Variants in MINDY3 observed in about 807,000 individuals in gnomAD.
The protein encoded by MINDY3 is MINDY lysine 48 deubiquitinase 3.
A neutral mutation model predicts 69.2 loss-of-function variants in MINDY3; 38 were observed. That is an observed-to-expected ratio of 0.55 (90% CI 0.42 to 0.72). The LOEUF (loss-of-function observed/expected upper bound fraction) is 0.72, where lower values mean the gene tolerates loss of function less well. Ranked by LOEUF, MINDY3 falls within the 30% of genes least tolerant of loss-of-function variation. MINDY3 has a pLI of 0.00. For synonymous variants in MINDY3, 192 were observed against 180.1 expected (o/e 1.07, Z -0.53); for missense variants, 522 against 519.0 (o/e 1.01, Z -0.06).
At chr10:15,829,292 G>A (rs970500346) in intron 8 of MINDY3, among the ~76,000 whole-genome samples, 5 of 152,126 alleles carry the variant, frequency 3.3e-5, no homozygotes, top group African/African-American at 4.8e-5. Context: ...TTTAACGACC[G>A]GGAGGCAGAG....
chr10:15,847,027 T>C (rs1342859184), intron 2 of MINDY3, among the ~76,000 whole-genome samples: 2 of 152,106 alleles, frequency 1.3e-5, no homozygotes, highest in Admixed American at 1.3e-4. Context: ...CTGGCCAGAA[T>C]GCATTCTTAA....
chr10:15,847,004 C>T (rs1445633886), intron 2 of MINDY3, among the ~76,000 whole-genome samples: 2 of 151,912 alleles, frequency 1.3e-5, no homozygotes, highest in Non-Finnish European at 2.9e-5. Flanking sequence ...ATTACAGGTG[C>T]GAGCCACCGT....
chr10:15,817,800 A>C (rs986971783), intron 9 of MINDY3: 5 of 152,160 alleles, frequency 3.3e-5, no homozygotes, highest in African/African-American at 1.2e-4. Context: ...ATTCTTTCCT[A>C]ATCAGCCAGC....
At chr10:15,843,128 G>C in intron 3 of MINDY3, 84 bp downstream of exon 3, 1 of 1,127,074 alleles carries the variant, frequency 8.9e-7, no homozygotes, top group Non-Finnish European at 1.3e-6. Flanking sequence ...AATTCCCACT[G>C]ATACTTGACT....
intron 1 of MINDY3, among the ~76,000 whole-genome samples, chr10:15,856,108 G>A (rs1588666290): frequency 6.6e-6 from 1 of 152,108 alleles, no homozygotes; most frequent in East Asian, 1.9e-4. Context: ...TTTAAACGAT[G>A]TGATCCACAG....
chr10:15,798,282 T>A (rs796766131), intron 10 of MINDY3, among the ~76,000 whole-genome samples: 10 of 152,184 alleles, frequency 6.6e-5, no homozygotes, highest in African/African-American at 2.4e-4. Flanking sequence ...TACTTCAATA[T>A]TGCTACAAAG....
In MINDY3 at chr10:15,838,265, C is replaced by T. The variant is rs758762583; in HGVS notation, c.424G>A (p.Glu142Lys). ...TGAAATCGCTCAAAGCCAAGCTCTT[C>T]GACAGCCAAGGCAGCTATACATAAA... ...QVEHSSALAV[E>K]ELGFERFHAL... Residue 142 changes from glutamate (E) to lysine (K), a missense_variant, in exon 5 of 15, where the codon GAA becomes AAA. Physicochemically the swap from Glu to Lys is moderately conservative, Grantham distance 56. Coordinates refer to ENST00000277632, the MANE Select transcript of MINDY3 (RefSeq NM_024948.4). 6 of 1,603,058 alleles carry T rather than the reference C, an allele frequency of 3.7e-6. No individual in the cohort carries two copies. Among genetic ancestry groups the T allele is most frequent in the Non-Finnish European group, 5.1e-6 (6 of 1,175,812 alleles).
At chr10:15,812,161 G>T (rs995214614) in intron 10 of MINDY3, among the ~76,000 whole-genome samples, 1 of 151,990 alleles carries the variant, frequency 6.6e-6, no homozygotes, top group African/African-American at 2.4e-5. Context: ...GGCTGGTCTC[G>T]AACTCCTGAC....
chr10:15,860,435 G>A lies in MINDY3; in HGVS notation c.-136C>T, dbSNP rs1435422357. 2 of 712,182 alleles carry A rather than the reference G, an allele frequency of 2.8e-6. No homozygotes were observed. The highest frequency in any genetic ancestry group is 1.5e-5 in the South Asian group (1 of 65,852). 44.1% of individuals were successfully genotyped at this position (712,182 alleles called of 1,614,324 possible). A position where few individuals can be genotyped will look rare whatever the true frequency, so the allele number is the denominator to read the frequency against. ...AAGGTGAGGCAGGAAAGAAGAAGGG[G>A]CTGAGAGCCACTTGCAGAGACCAAG... On this transcript the variant is annotated 5_prime_UTR_variant, in exon 1 of 15. Coordinates refer to ENST00000277632, the MANE Select transcript of MINDY3 (RefSeq NM_024948.4).
Position 15,779,144 on chromosome 10 carries a change from G to A in MINDY3, c.1189-3C>T, listed in dbSNP as rs747295128. ...GCAGTCCCTTCTACGTACATGACCT[G>A]TTGAACAAAATAAAGCCACCAAGGT... is the stretch of plus-strand genomic sequence containing the variant. On this transcript the variant is annotated splice_polypyrimidine_tract_variant and splice_region_variant and intron_variant, in intron 14 of 14. Coordinates refer to ENST00000277632, the MANE Select transcript of MINDY3 (RefSeq NM_024948.4). 9 of 1,610,218 alleles carry A rather than the reference G, an allele frequency of 5.6e-6. No individual in the cohort carries two copies. The Admixed American group carries it at 1.3e-4, about 24-fold the overall frequency.
At chr10:15,814,832 G>A in intron 10 of MINDY3, among the ~76,000 whole-genome samples, 1 of 152,038 alleles carries the variant, frequency 6.6e-6, no homozygotes, top group Non-Finnish European at 1.5e-5. Context: ...AAAAAGAAGG[G>A]CCTATTTCAC....
At chr10:15,816,450 G>A (rs1311066531) in intron 10 of MINDY3, among the ~76,000 whole-genome samples, 8 of 151,614 alleles carry the variant, frequency 5.3e-5, no homozygotes, top group Non-Finnish European at 1.2e-4. Context: ...TTTTTTCAAA[G>A]GAGATGCTGT....
intron 8 of MINDY3, among the ~76,000 whole-genome samples, chr10:15,824,338 G>GTA (rs1839954850): frequency 6.6e-6 from 1 of 151,900 alleles, no homozygotes; most frequent in Non-Finnish European, 1.5e-5. Context: ...ATCTCATTGT[G>GTA]GTTTTGATTT....
chr10:15,791,941 G>A (rs1271519678), intron 11 of MINDY3, among the ~76,000 whole-genome samples: 1 of 152,176 alleles, frequency 6.6e-6, no homozygotes, highest in East Asian at 1.9e-4. Flanking sequence ...GGACACTGCA[G>A]GAAGAGAAGC....
At chr10:15,819,317 T>G (rs1009796648) in intron 9 of MINDY3, among the ~76,000 whole-genome samples, 1 of 152,158 alleles carries the variant, frequency 6.6e-6, no homozygotes, top group Non-Finnish European at 1.5e-5. Flanking sequence ...TTTGAGAAGT[T>G]AGAGAGAGAT....
Position 15,838,292 on chromosome 10 carries a change from G to T in MINDY3, c.410-13C>A. On this transcript the variant is annotated splice_polypyrimidine_tract_variant and intron_variant, in intron 4 of 14. Transcript: ENST00000277632. The stretch of plus-strand genomic sequence containing the variant: ...ACAGCCAAGGCAGCTATACATAAAA[G>T]ACACTTTTCAGCACTACACATGGCA... 6.3e-7 allele frequency: 1 copy of T among 1,596,652 alleles called. No individual in the cohort carries two copies. Among genetic ancestry groups the T allele is most frequent in the African/African-American group, 1.3e-5 (1 of 74,092 alleles).
At chr10:15,853,081 C>T (rs765577633) in intron 1 of MINDY3, among the ~76,000 whole-genome samples, 14 of 151,940 alleles carry the variant, frequency 9.2e-5, no homozygotes, top group South Asian at 4.1e-4. Flanking sequence ...CACTACCCCT[C>T]GAACACCAAC....
chr10:15,807,066 G>C (rs1838685144), intron 10 of MINDY3, among the ~76,000 whole-genome samples: 1 of 152,106 alleles, frequency 6.6e-6, no homozygotes, highest in Admixed American at 6.6e-5. Context: ...ACTGGCCCCA[G>C]ACTGTAACAT....
chr10:15,841,335 A>C, intron 4 of MINDY3, 91 bp downstream of exon 4: 1 of 1,038,914 alleles, frequency 9.6e-7, no homozygotes, highest in East Asian at 2.6e-5. Context: ...TGTTATGAAA[A>C]TTTTAAGTAA....
Sources: allele counts gnomAD v4.1 joint callset (sites outside exome capture counted in the v4.1 genomes callset), GRCh38; gene constraint gnomAD v4.1.1; transcripts MANE v1.5; gene names NCBI Gene and HGNC (gene_info 2026-07-23, HGNC 2026-07-21).